Variants in DLG2 observed in about 807,000 individuals in gnomAD.
DLG2 encodes the protein disks large homolog 2.
Under a neutral mutation model 132.5 loss-of-function variants are expected in DLG2, and 45 were observed. The observed-to-expected ratio is 0.34, with a 90% CI of 0.27 to 0.44. The LOEUF is 0.44. Ranked by LOEUF, DLG2 falls within the 20% of genes least tolerant of loss-of-function variation. DLG2 has a pLI of 1.00. For synonymous variants in DLG2, 424 were observed against 419.6 expected (o/e 1.01, Z -0.13); for missense variants, 1,045 against 1,196.9 (o/e 0.87, Z 1.87).
intron 4 of DLG2, among the ~76,000 whole-genome samples, chr11:85,170,579 A>G (rs909430970): frequency 2.0e-5 from 3 of 152,184 alleles, no homozygotes; most frequent in African/African-American, 7.2e-5. Context: ...AAGTACCATA[A>G]TTTGAGGTAT....
intron 6 of DLG2, among the ~76,000 whole-genome samples, chr11:84,734,219 T>A (rs1343178161): frequency 6.6e-6 from 1 of 152,214 alleles, no homozygotes; most frequent in African/African-American, 2.4e-5. Flanking sequence ...ATCTATAAAT[T>A]ACCTTGGGCA....
At chr11:85,274,383 T>G (rs1435221191) in intron 4 of DLG2, among the ~76,000 whole-genome samples, 1 of 151,624 alleles carries the variant, frequency 6.6e-6, no homozygotes, top group Non-Finnish European at 1.5e-5. Context: ...AAAAAAAGAG[T>G]CTCCTTTACT....
chr11:83,578,503 A>G (rs142992772), intron 19 of DLG2, among the ~76,000 whole-genome samples: 32 of 152,256 alleles, frequency 2.1e-4, no homozygotes, highest in Middle Eastern at 3.4e-3. Flanking sequence ...ATCCAACTAT[A>G]TAGTGTTTAT....
At chr11:85,254,114 G>A (rs956555472) in intron 4 of DLG2, among the ~76,000 whole-genome samples, 7 of 152,176 alleles carry the variant, frequency 4.6e-5, no homozygotes, top group East Asian at 1.9e-4. Flanking sequence ...TGGCTTGAGG[G>A]TGGGGCCCTC....
intron 6 of DLG2, among the ~76,000 whole-genome samples, chr11:84,682,755 A>T (rs762337825): frequency 6.6e-6 from 1 of 152,158 alleles, no homozygotes; most frequent in Non-Finnish European, 1.5e-5. Flanking sequence ...GACTCTAGGA[A>T]GCCTTTACTC....
intron 3 of DLG2, among the ~76,000 whole-genome samples, chr11:85,352,131 G>A (rs1369631739): frequency 6.6e-6 from 1 of 152,140 alleles, no homozygotes; most frequent in Non-Finnish European, 1.5e-5. Flanking sequence ...TCCTGGTTTA[G>A]TCTTGGGAGG....
chr11:83,505,543 T>G (rs2094650692), intron 21 of DLG2, among the ~76,000 whole-genome samples: 1 of 152,202 alleles, frequency 6.6e-6, no homozygotes, highest in Non-Finnish European at 1.5e-5. Flanking sequence ...TACAAATATC[T>G]TCATGTTTTT....
At chr11:84,529,844 A>G (rs1426897714) in intron 7 of DLG2, among the ~76,000 whole-genome samples, 1 of 152,192 alleles carries the variant, frequency 6.6e-6, no homozygotes, top group African/African-American at 2.4e-5. Context: ...AGGCAATCCT[A>G]AGCAAAAATA....
chr11:84,106,069 A>G (rs1250255050), intron 9 of DLG2, among the ~76,000 whole-genome samples: 5 of 152,254 alleles, frequency 3.3e-5, no homozygotes, highest in African/African-American at 1.2e-4. Flanking sequence ...AGGACAGCGA[A>G]CAATATAAGT....
chr11:83,823,321 C>G (rs748465762), intron 17 of DLG2, among the ~76,000 whole-genome samples: 4 of 152,064 alleles, frequency 2.6e-5, no homozygotes, highest in Non-Finnish European at 4.4e-5. Context: ...CACTTTGAAA[C>G]TTGTATAGGA....
chr11:84,288,622 G>T (rs1365839216), intron 7 of DLG2, among the ~76,000 whole-genome samples: 2 of 152,016 alleles, frequency 1.3e-5, no homozygotes, highest in African/African-American at 2.4e-5. Flanking sequence ...ATGAGATCTA[G>T]GTCTATTCAC....
chr11:85,468,575 T>G (rs145768127), intron 3 of DLG2, among the ~76,000 whole-genome samples: 5 of 152,242 alleles, frequency 3.3e-5, no homozygotes, highest in Non-Finnish European at 7.3e-5. Context: ...ATGTACCCAG[T>G]AGTCACACAG....
chr11:85,515,486 C>G (rs1213792566), intron 3 of DLG2, among the ~76,000 whole-genome samples: 3 of 151,920 alleles, frequency 2.0e-5, no homozygotes, highest in African/African-American at 7.2e-5. Flanking sequence ...ACCTCTTAGT[C>G]TTAAGACTTG....
At position 84,698,004 on chromosome 11, in the gene DLG2, A is replaced by G. The variant is rs559307382; in HGVS notation, c.358-163273T>C. Among the ~76,000 whole-genome samples the G allele has an allele frequency of 2.0e-4, 31 of 151,616 alleles. No homozygotes were observed. In the South Asian group the frequency reaches 6.2e-3, roughly 30 times the overall value. ...TTTTAAAATTCAATTATTCAGTTCAATTATTTTATTTAATGTCTACCATCA... is the reference window on the plus strand; with the variant it reads ...TTTTAAAATTCAATTATTCAGTTCAGTTATTTTATTTAATGTCTACCATCA... On this transcript the variant is annotated intron_variant, in intron 6 of 27. Coordinates refer to ENST00000376104, the MANE Select transcript of DLG2 (RefSeq NM_001142699.3).
At chr11:83,727,375 C>T (rs987681658) in intron 18 of DLG2, among the ~76,000 whole-genome samples, 19 of 152,164 alleles carry the variant, frequency 1.2e-4, no homozygotes, top group African/African-American at 4.6e-4. Flanking sequence ...CAGCTGGTCC[C>T]TCTCCACCTT....
At chr11:83,806,678 G>A (rs1005491902) in intron 17 of DLG2, among the ~76,000 whole-genome samples, 4 of 152,226 alleles carry the variant, frequency 2.6e-5, no homozygotes, top group South Asian at 2.1e-4. Context: ...GGCACAAATC[G>A]ATGTCCTCAT....
intron 11 of DLG2, among the ~76,000 whole-genome samples, chr11:84,014,395 C>CA (rs572846827): frequency 6.6e-6 from 1 of 151,994 alleles, no homozygotes; most frequent in African/African-American, 2.4e-5. Context: ...ATTTTCTTCA[C>CA]AAAAAATGGT....
intron 6 of DLG2, among the ~76,000 whole-genome samples, chr11:84,856,561 C>G: frequency 6.6e-6 from 1 of 152,098 alleles, no homozygotes; most frequent in East Asian, 1.9e-4. Context: ...TTATTTCCAT[C>G]TTTATCACTA....
chr11:84,532,355 T>C (rs1315685468), intron 7 of DLG2, among the ~76,000 whole-genome samples: 2 of 152,094 alleles, frequency 1.3e-5, no homozygotes, highest in African/African-American at 2.4e-5. Flanking sequence ...CACCATATTA[T>C]CAATTCTAGT....
Sources: allele counts gnomAD v4.1 joint callset (sites outside exome capture counted in the v4.1 genomes callset), GRCh38; gene constraint gnomAD v4.1.1; transcripts MANE v1.5; gene names NCBI Gene and HGNC (gene_info 2026-07-23, HGNC 2026-07-21).